Variants in WDR25 observed in about 807,000 individuals in gnomAD.
WDR25 encodes WD repeat-containing protein 25.
A neutral mutation model predicts 47.7 loss-of-function variants in WDR25; 35 were observed. The ratio of observed to expected loss-of-function variants is 0.73; its 90% CI spans 0.56 to 0.97. The LOEUF (loss-of-function observed/expected upper bound fraction) is 0.97, where lower values mean the gene tolerates loss of function less well. Among genes scored for constraint, WDR25 ranks in the 50% least tolerant of loss-of-function variants. The pLI is 0.00. For synonymous variants in WDR25, 248 were observed against 278.9 expected, an observed-to-expected ratio of 0.89 and a Z score of 1.10; for missense variants, 634 against 704.7, an observed-to-expected ratio of 0.90 and a Z score of 1.14.
At chr14:100,518,633 G>A (rs1167160608) in intron 4 of WDR25, among the ~76,000 whole-genome samples, 1 of 152,070 alleles carries the variant, frequency 6.6e-6, no homozygotes, top group African/African-American at 2.4e-5. Context: ...GCTCACACCT[G>A]TAATCCTAGC....
intron 2 of WDR25, among the ~76,000 whole-genome samples, chr14:100,461,904 GT>G (rs5810997): frequency 0.98 from 147,139 of 150,534 alleles, 72,046 homozygotes; most frequent in Middle Eastern, 1. Context: ...GTATTTTTCT[GT>G]TTTTTTTTGT....
rs1270980959 is a variant in WDR25 at position 100,499,613 on chromosome 14, G to C, written c.1101+15489G>C. Reference sequence around the variant, plus strand: ...CATCCTGGAGGAAGGCACTGGTGCAGAGAGATGGGCTGGAGGTGGGGTGGT... The same window carrying C: ...CATCCTGGAGGAAGGCACTGGTGCACAGAGATGGGCTGGAGGTGGGGTGGT... On this transcript the variant is annotated intron_variant, in intron 4 of 6. Coordinates refer to ENST00000402312, the MANE Select transcript of WDR25 (RefSeq NM_001161476.3). This position sits in a 1 kb window ranked among gnomAD's most constrained non-coding sequence, Gnocchi z 4.4. 6.6e-6 allele frequency among the ~76,000 whole-genome samples: 1 copy of C among 152,212 alleles called. No individual in the cohort carries two copies. Among genetic ancestry groups the C allele is most frequent in the African/African-American group, 2.4e-5 (1 of 41,450 alleles).
intron 5 of WDR25, among the ~76,000 whole-genome samples, chr14:100,528,451 T>TC (rs1369144124): frequency 8.0e-5 from 12 of 149,928 alleles, no homozygotes; most frequent in African/African-American, 2.7e-4. Context: ...TTTTTTTTTT[T>TC]GTAGAGATGG....
intron 5 of WDR25, among the ~76,000 whole-genome samples, chr14:100,527,365 A>G (rs2030237429): frequency 6.6e-6 from 1 of 152,238 alleles, no homozygotes; most frequent in Non-Finnish European, 1.5e-5. Flanking sequence ...TACCACCGCC[A>G]TCATCAGCAT....
intron 2 of WDR25, among the ~76,000 whole-genome samples, chr14:100,383,029 T>C (rs1191677440): frequency 6.6e-6 from 1 of 152,244 alleles, no homozygotes; most frequent in Non-Finnish European, 1.5e-5. Context: ...CAAATTACAT[T>C]TTGAGCTTTT....
At chr14:100,481,532 C>T (rs1277326435) in intron 3 of WDR25, among the ~76,000 whole-genome samples, 1 of 149,306 alleles carries the variant, frequency 6.7e-6, no homozygotes, top group Non-Finnish European at 1.5e-5. Flanking sequence ...TTATGGGAGG[C>T]TTTGACTGTC....
At chr14:100,485,765 T>C (rs1343693680) in intron 4 of WDR25, among the ~76,000 whole-genome samples, 1 of 152,184 alleles carries the variant, frequency 6.6e-6, no homozygotes, top group East Asian at 1.9e-4. Flanking sequence ...AAATTTGCCT[T>C]CTTGCTTCAG....
intron 3 of WDR25, among the ~76,000 whole-genome samples, chr14:100,478,041 G>T (rs142448301): frequency 6.6e-6 from 1 of 151,974 alleles, no homozygotes; most frequent in African/African-American, 2.4e-5. Flanking sequence ...GCAGTGAGCC[G>T]GATAGCACCA....
intron 4 of WDR25, among the ~76,000 whole-genome samples, chr14:100,497,255 C>T (rs907677888): frequency 3.9e-5 from 6 of 152,098 alleles, no homozygotes; most frequent in African/African-American, 9.7e-5. Context: ...TGGTTGATGA[C>T]GGTGTCTGTT....
chr14:100,477,203 C>T (rs368158849), intron 3 of WDR25, among the ~76,000 whole-genome samples: 4 of 152,224 alleles, frequency 2.6e-5, no homozygotes, highest in Admixed American at 6.5e-5. Context: ...CACAGTCATA[C>T]GGGGGTGGAA....
chr14:100,414,994 A>G lies in WDR25; in HGVS notation c.822+33248A>G, dbSNP rs189485801. Among the ~76,000 whole-genome samples, 231 of 151,804 alleles carry G rather than the reference A, an allele frequency of 1.5e-3. 1 individual carries two copies. The highest frequency in any genetic ancestry group is 5.3e-3 in the African/African-American group (221 of 41,388). On this transcript the variant is annotated intron_variant, in intron 2 of 6. Transcript: ENST00000402312. ...TGGGGTGAGAGCAGGGGGAGCAGCA[A>G]GGGGGCAGAGGCAGCTGTCAGGTGA...
Position 100,381,592 on chromosome 14 carries a change from C to CG in WDR25, c.668_669insG (p.Tyr224IlefsTer4). 6.2e-7 allele frequency: 1 copy of CG among 1,609,240 alleles called. No individual in the cohort carries two copies. The highest frequency in any genetic ancestry group is 1.1e-5 in the South Asian group (1 of 90,860). ...CCGGGAGTGTCTGAGTTTATTCAGC[C>CG]ATATTTGAATAGCCATTATAAAGAA... On this transcript the variant is annotated frameshift_variant, in exon 2 of 7. Coordinates refer to ENST00000402312, the MANE Select transcript of WDR25 (RefSeq NM_001161476.3). LOFTEE classifies it high-confidence loss of function.
At chr14:100,385,287 G>A (rs1896994633) in intron 2 of WDR25, among the ~76,000 whole-genome samples, 1 of 152,142 alleles carries the variant, frequency 6.6e-6, no homozygotes, top group Non-Finnish European at 1.5e-5. Flanking sequence ...CTTTGGGAAG[G>A]GATTGTCTTT....
At chr14:100,446,550 CAAAAAAA>C (rs55946078) in intron 2 of WDR25, among the ~76,000 whole-genome samples, 4 of 75,012 alleles carry the variant, frequency 5.3e-5, no homozygotes, top group Non-Finnish European at 9.6e-5. Context: ...GACTCCATCT[CAAAAAAA>C]AAAAAAAAAA....
intron 2 of WDR25, among the ~76,000 whole-genome samples, chr14:100,427,258 T>C (rs1474659839): frequency 2.0e-5 from 3 of 152,106 alleles, no homozygotes; most frequent in Admixed American, 6.5e-5. Flanking sequence ...ACAGCCCTTT[T>C]CCCACGAAGC....
chr14:100,483,023 T>C (rs1432111485), intron 3 of WDR25, among the ~76,000 whole-genome samples: 1 of 152,056 alleles, frequency 6.6e-6, no homozygotes, highest in Admixed American at 6.5e-5. Flanking sequence ...GGGGGACATA[T>C]ACGGGGGTGG....
intron 4 of WDR25, among the ~76,000 whole-genome samples, chr14:100,486,660 T>G (rs967559172): frequency 6.6e-6 from 1 of 152,208 alleles, no homozygotes; most frequent in African/African-American, 2.4e-5. Flanking sequence ...TTCTTATCCC[T>G]GTGGGCTCCT....
intron 4 of WDR25, among the ~76,000 whole-genome samples, chr14:100,520,941 G>A (rs894492102): frequency 3.9e-5 from 6 of 152,158 alleles, no homozygotes; most frequent in Admixed American, 6.5e-5. Flanking sequence ...GTTAAGCTAC[G>A]AAATCAATAC....
intron 2 of WDR25, among the ~76,000 whole-genome samples, chr14:100,394,381 T>TG (rs764467997): frequency 5.7e-4 from 87 of 152,334 alleles, no homozygotes; most frequent in Non-Finnish European, 1.0e-3. Context: ...CTTCTGGACT[T>TG]GCTGCTGTGT....
Sources: allele counts gnomAD v4.1 joint callset (sites outside exome capture counted in the v4.1 genomes callset), GRCh38; gene constraint gnomAD v4.1.1; non-coding constraint Gnocchi (gnomAD v3.1); transcripts MANE v1.5; gene names NCBI Gene and HGNC (gene_info 2026-07-23, HGNC 2026-07-21).